TBC1D5: variants seen among roughly 807,000 people sequenced by gnomAD.
TBC1D5 encodes TBC1 domain family, member 5.
In TBC1D5, 75 loss-of-function variants were observed where a neutral mutation model predicts 100.3. That is an observed-to-expected ratio of 0.75 (90% CI 0.62 to 0.91). The LOEUF (loss-of-function observed/expected upper bound fraction) is 0.91, where lower values mean the gene tolerates loss of function less well. TBC1D5 is among the 40% of genes least tolerant of loss of function. The pLI, the probability that TBC1D5 is intolerant of heterozygous loss-of-function variation, is 0.00. For missense variants in TBC1D5, 910 were observed against 942.4 expected (o/e 0.97, Z 0.45); for synonymous variants, 323 against 325.6 (o/e 0.99, Z 0.09).
intron 17 of TBC1D5, among the ~76,000 whole-genome samples, chr3:17,219,302 T>A (rs1358509600): frequency 6.6e-6 from 1 of 151,924 alleles, no homozygotes; most frequent in Non-Finnish European, 1.5e-5. Flanking sequence ...CTCTATTTGA[T>A]GAGACACTAT....
intron 2 of TBC1D5, among the ~76,000 whole-genome samples, chr3:17,620,607 C>A (rs1175814362): frequency 6.6e-6 from 1 of 152,142 alleles, no homozygotes; most frequent in Non-Finnish European, 1.5e-5. Context: ...ACATAAATAT[C>A]TCTGCGTTAT....
chr3:17,354,627 T>A (rs912900594), intron 13 of TBC1D5, among the ~76,000 whole-genome samples: 1 of 151,952 alleles, frequency 6.6e-6, no homozygotes, highest in Non-Finnish European at 1.5e-5. Context: ...GATGAAAACC[T>A]TGGCCAGCTG....
intron 3 of TBC1D5, among the ~76,000 whole-genome samples, chr3:17,487,081 A>G (rs1433171177): frequency 6.6e-6 from 1 of 152,240 alleles, no homozygotes; most frequent in Non-Finnish European, 1.5e-5. Flanking sequence ...CAAACTGGCT[A>G]TAGCCTCTTG....
rs760953802 is a variant in TBC1D5 at position 17,488,938 on chromosome 3, G to GCATGC, written c.97+19531_97+19535dup. On this transcript the variant is annotated intron_variant, in intron 3 of 21. Coordinates refer to ENST00000253692, the Ensembl canonical transcript of TBC1D5. ...ACTGCACATATGAGGGATCTAGGAT[G>GCATGC]CATGCTCTGTATGAAAATCTAATGC... 1.5e-4 allele frequency among the ~76,000 whole-genome samples: 22 copies of GCATGC among 149,670 alleles called. No homozygotes were observed. The East Asian group carries it at 2.3e-3, about 16-fold the overall frequency.
In TBC1D5 at chr3:17,706,334, A is replaced by G. The variant is rs563239127; in HGVS notation, c.-101+33009T>C. 8 of 1,342,312 alleles carry G rather than the reference A, an allele frequency of 6.0e-6. No individual in the cohort carries two copies. The South Asian group carries it at 7.2e-5, about 12-fold the overall frequency. The allele number at this position is 1,342,312 out of a possible 1,614,324, so 83.2% of individuals were successfully genotyped here. Reference sequence around the variant, plus strand: ...CAAACCAGAACTGTATACCTTTGTGAAAGAGCACATATTTTATATTTGAAG... The same window carrying G: ...CAAACCAGAACTGTATACCTTTGTGGAAGAGCACATATTTTATATTTGAAG... On this transcript the variant is annotated intron_variant, in intron 1 of 21. Coordinates refer to ENST00000253692, the Ensembl canonical transcript of TBC1D5.
chr3:17,361,427 C>T (rs2091698373), intron 13 of TBC1D5, among the ~76,000 whole-genome samples: 1 of 151,968 alleles, frequency 6.6e-6, no homozygotes, highest in South Asian at 2.1e-4. Context: ...CCAATTTGAC[C>T]TGACATTTAT....
At chr3:17,177,924 T>C (rs9833666) in intron 19 of TBC1D5, among the ~76,000 whole-genome samples, 120,340 of 152,088 alleles carry the variant, frequency 0.79, 48,559 homozygotes, top group African/African-American at 0.94. Context: ...TGAGTTCAAT[T>C]GTTTTTATTT....
chr3:17,256,113 G>T (rs2077644045), intron 16 of TBC1D5, among the ~76,000 whole-genome samples: 1 of 152,178 alleles, frequency 6.6e-6, no homozygotes, highest in Non-Finnish European at 1.5e-5. Flanking sequence ...TTATTGGTCA[G>T]ATAGGCACTT....
intron 16 of TBC1D5, among the ~76,000 whole-genome samples, chr3:17,248,822 C>G (rs912348082): frequency 6.6e-6 from 1 of 152,176 alleles, no homozygotes; most frequent in African/African-American, 2.4e-5. Flanking sequence ...CCAGTAGAAG[C>G]CTGTTTCATC....
chr3:17,316,754 A>G (rs1341339267), intron 13 of TBC1D5, among the ~76,000 whole-genome samples: 2 of 152,192 alleles, frequency 1.3e-5, no homozygotes, highest in African/African-American at 4.8e-5. Context: ...GAAAATGTCC[A>G]TGACTTGGCA....
intron 18 of TBC1D5, among the ~76,000 whole-genome samples, chr3:17,205,387 T>C (rs2072029249): frequency 6.6e-6 from 1 of 152,156 alleles, no homozygotes; most frequent in African/African-American, 2.4e-5. Context: ...GAAAATCAGA[T>C]AACTAGGAAA....
At chr3:17,341,564 G>A (rs2088939668) in intron 13 of TBC1D5, among the ~76,000 whole-genome samples, 1 of 152,092 alleles carries the variant, frequency 6.6e-6, no homozygotes, top group Non-Finnish European at 1.5e-5. Context: ...GGAGATGCCA[G>A]TTACTTTTAT....
intron 8 of TBC1D5, among the ~76,000 whole-genome samples, chr3:17,386,240 A>G (rs2093148939): frequency 6.6e-6 from 1 of 152,062 alleles, no homozygotes; most frequent in Admixed American, 6.6e-5. Context: ...TGACTTAATA[A>G]TTTTGCACGT....
At chr3:17,705,987 T>TA in intron 1 of TBC1D5, 1 of 1,462,200 alleles carries the variant, frequency 6.8e-7, no homozygotes, top group Non-Finnish European at 9.1e-7. Flanking sequence ...TTTACTCTTT[T>TA]TTTTTTTTGA....
chr3:17,354,658 G>C (rs932176627), intron 13 of TBC1D5, among the ~76,000 whole-genome samples: 1 of 151,632 alleles, frequency 6.6e-6, no homozygotes, highest in African/African-American at 2.4e-5. Flanking sequence ...TTACAGATAG[G>C]CTTTATGATG....
At chr3:17,674,156 A>T (rs6577618) in intron 1 of TBC1D5, among the ~76,000 whole-genome samples, 75,589 of 151,724 alleles carry the variant, frequency 0.5, 20,365 homozygotes, top group East Asian at 0.94. Flanking sequence ...GAAACCGTAA[A>T]GAAATTCAGT....
exon 22 of TBC1D5, chr3:17,160,055 T>G (rs79858279): frequency 6.8e-6 from 1 of 146,336 alleles, no homozygotes; most frequent in African/African-American, 2.4e-5. Context: ...AAACTGACTG[T>G]CTGAAAGATG....
At chr3:17,693,871 C>G (rs1031067788) in intron 1 of TBC1D5, among the ~76,000 whole-genome samples, 1 of 152,096 alleles carries the variant, frequency 6.6e-6, no homozygotes, top group East Asian at 1.9e-4. Flanking sequence ...CCCTCTGGGA[C>G]GAAGCTTCCA....
intron 16 of TBC1D5, among the ~76,000 whole-genome samples, chr3:17,256,424 T>C (rs2077684854): frequency 6.8e-6 from 1 of 147,204 alleles, no homozygotes; most frequent in African/African-American, 2.5e-5. Flanking sequence ...TTGTGTTATA[T>C]ATATAATATA....
Sources: allele counts gnomAD v4.1 joint callset (sites outside exome capture counted in the v4.1 genomes callset), GRCh38; gene constraint gnomAD v4.1.1; transcripts MANE v1.5; gene names NCBI Gene and HGNC (gene_info 2026-07-23, HGNC 2026-07-21).